EEA1: variants seen among roughly 807,000 people sequenced by gnomAD.
The protein encoded by EEA1 is early endosome antigen 1, 162kD.
EEA1 carries 111 observed loss-of-function variants against 209.2 expected under a neutral mutation model. That is an observed-to-expected ratio of 0.53 (90% CI 0.45 to 0.62). The LOEUF is 0.62. Ranked by LOEUF, EEA1 falls within the 20% of genes least tolerant of loss-of-function variation. The pLI is 0.00. For synonymous variants in EEA1, 536 were observed against 540.6 expected (o/e 0.99, Z 0.12); for missense variants, 1,343 against 1,530.8 (o/e 0.88, Z 2.05).
chr12:92,845,624 C>T (rs1347204850), intron 9 of EEA1, among the ~76,000 whole-genome samples: 1 of 152,152 alleles, frequency 6.6e-6, no homozygotes, highest in East Asian at 1.9e-4. Flanking sequence ...TCCCCGACAA[C>T]TCTAAAACTG....
In EEA1 at chr12:92,912,990, G is replaced by A. The variant is rs139126862; in HGVS notation, c.24+16053C>T. 2.1e-3 allele frequency among the ~76,000 whole-genome samples: 321 copies of A among 152,316 alleles called. 1 individual carries two copies. Among genetic ancestry groups the A allele is most frequent in the African/African-American group, 7.5e-3 (312 of 41,568 alleles). ...CCAAGACTTTGCTGTGGTGCAAAGT[G>A]CCATGATAAATAGCCATGTGCAGCT... On this transcript the variant is annotated intron_variant, in intron 1 of 28. Coordinates refer to ENST00000322349, the MANE Select transcript of EEA1 (RefSeq NM_003566.4).
chr12:92,795,643 T>G (rs1316821632), intron 21 of EEA1, among the ~76,000 whole-genome samples: 2 of 152,214 alleles, frequency 1.3e-5, no homozygotes, highest in African/African-American at 4.8e-5. Context: ...GGAGACAGAA[T>G]GATAGGAATT....
At chr12:92,865,138 A>G (rs1378009311) in intron 2 of EEA1, 151 bp from the exon 3 acceptor site, 1 of 533,798 alleles carries the variant, frequency 1.9e-6, no homozygotes, top group Non-Finnish European at 3.1e-6. Context: ...AAATTCTAGT[A>G]TCATGCAAAG....
rs1009511274 is a variant in EEA1, at chr12:92,857,130, A to G, written c.366+145T>C. 3.1e-5 allele frequency: 17 copies of G among 555,302 alleles called. 1 individual carries two copies. The South Asian group carries it at 3.6e-4, about 12-fold the overall frequency. 34.4% of individuals were successfully genotyped at this position (555,302 alleles called of 1,614,324 possible). The stretch of plus-strand genomic sequence containing the variant: ...CTTCACTCCTCATACATTTGTTTGC[A>G]TTCATCAGAATTCAACACAGAGAAA... On this transcript the variant is annotated intron_variant, in intron 5 of 28. Coordinates refer to ENST00000322349, the MANE Select transcript of EEA1 (RefSeq NM_003566.4).
chr12:92,928,376 T>C (rs910673339), intron 1 of EEA1, among the ~76,000 whole-genome samples: 5 of 152,236 alleles, frequency 3.3e-5, no homozygotes, highest in South Asian at 4.1e-4. Flanking sequence ...GCGGATTTAT[T>C]CTTGGATAGC....
intron 9 of EEA1, among the ~76,000 whole-genome samples, chr12:92,844,150 ATT>A (rs1301833429): frequency 6.6e-6 from 1 of 152,146 alleles, no homozygotes; most frequent in Non-Finnish European, 1.5e-5. Flanking sequence ...ACTTGGGCTT[ATT>A]TTAAAAATCA....
rs1314606065 is a variant in EEA1, at chr12:92,778,184, AAAAAAGG to A, written c.3655-12_3655-6del. ...CTTTTCTTTTATTTCGGAATGCTGA[AAAAAAGG>A]AAAAGTTGGGGGGAAATCTATTACA... is the stretch of plus-strand genomic sequence containing the variant. On this transcript the variant is annotated splice_polypyrimidine_tract_variant and splice_region_variant and intron_variant, in intron 25 of 28. Transcript: ENST00000322349. 1.2e-6 allele frequency: 2 copies of A among 1,604,150 alleles called. No individual in the cohort carries two copies. The highest frequency in any genetic ancestry group is 3.4e-5 in the Admixed American group (2 of 59,006).
rs79285032 is a variant in EEA1, at chr12:92,896,775, A to G, written c.25-5054T>C. Among the ~76,000 whole-genome samples the G allele has an allele frequency of 9.8e-4, 149 of 151,472 alleles. No homozygotes were observed. The East Asian group carries it at 0.027, about 28-fold the overall frequency. On this transcript the variant is annotated intron_variant, in intron 1 of 28. Coordinates refer to ENST00000322349, the MANE Select transcript of EEA1 (RefSeq NM_003566.4). ...AAGATCGCACCACTGAAAGAAAAGA[A>G]AAAAAGAAAAAAAAAGAAATTGACA...
rs1873842653 is a variant in EEA1, at chr12:92,780,160, A to G, written c.3468+120T>C. 5.6e-6 allele frequency: 6 copies of G among 1,062,150 alleles called. No homozygotes were observed. The East Asian group carries it at 1.8e-4, about 32-fold the overall frequency. 65.8% of individuals were successfully genotyped at this position (1,062,150 alleles called of 1,614,324 possible). On this transcript the variant is annotated intron_variant, in intron 24 of 28. Transcript: ENST00000322349. ...GGCAAGAGTATTTGTCAGAAACAAC[A>G]GAACAATTTGCCTAGCACATAGCAA...
intron 2 of EEA1, among the ~76,000 whole-genome samples, chr12:92,887,206 C>T (rs1403264529): frequency 1.3e-5 from 2 of 149,882 alleles, no homozygotes; most frequent in African/African-American, 5.0e-5. Flanking sequence ...ATAAAACAGG[C>T]CAGGCACAGT....
intron 10 of EEA1, among the ~76,000 whole-genome samples, chr12:92,839,067 T>C (rs999161143): frequency 1.3e-5 from 2 of 152,210 alleles, no homozygotes; most frequent in African/African-American, 2.4e-5. Flanking sequence ...GCTTAGAATT[T>C]TGGAAAACAT....
intron 2 of EEA1, among the ~76,000 whole-genome samples, chr12:92,877,402 A>G (rs1878957887): frequency 6.6e-6 from 1 of 152,186 alleles, no homozygotes; most frequent in Non-Finnish European, 1.5e-5. Context: ...GACAGTTACA[A>G]TAATATGTGA....
At chr12:92,878,996 T>G (rs894974731) in intron 2 of EEA1, among the ~76,000 whole-genome samples, 22 of 152,070 alleles carry the variant, frequency 1.4e-4, no homozygotes, top group African/African-American at 4.8e-4. Context: ...TAGCAAACAT[T>G]CAAGGTATAC....
At chr12:92,847,358 T>C (rs2136705749) in intron 9 of EEA1, among the ~76,000 whole-genome samples, 1 of 152,328 alleles carries the variant, frequency 6.6e-6, no homozygotes, top group East Asian at 1.9e-4. Context: ...ATAAAAATTG[T>C]TGTATTAAGT....
intron 27 of EEA1, 85 bp from the exon 28 acceptor site, chr12:92,777,027 TATAA>T: frequency 7.0e-7 from 1 of 1,436,070 alleles, no homozygotes; most frequent in South Asian, 1.2e-5. Flanking sequence ...GCCAGAGTTC[TATAA>T]AATTTTGACT....
chr12:92,774,445 A>G lies in EEA1; in HGVS notation c.*1566T>C, dbSNP rs1026544773. On this transcript the variant is annotated 3_prime_UTR_variant, in exon 29 of 29. Transcript: ENST00000322349. ...TGAAAGCAAATGTATATTAAGAACT[A>G]TTATAAATGAAATATTAACTACTGT... The G allele has an allele frequency of 6.6e-6, 1 of 151,630 alleles. No individual in the cohort carries two copies. Among genetic ancestry groups the G allele is most frequent in the African/African-American group, 2.4e-5 (1 of 41,400 alleles). 9.4% of individuals were successfully genotyped at this position (151,630 alleles called of 1,614,324 possible).
intron 12 of EEA1, among the ~76,000 whole-genome samples, chr12:92,827,671 G>T (rs959959556): frequency 1.3e-5 from 2 of 152,140 alleles, no homozygotes; most frequent in East Asian, 1.9e-4. Context: ...TTCACCCCCA[G>T]AATTTTTCCT....
Position 92,771,462 on chromosome 12 carries a change from A to G in EEA1, c.*4549T>C, listed in dbSNP as rs931360004. On this transcript the variant is annotated 3_prime_UTR_variant, in exon 29 of 29. Coordinates refer to ENST00000322349, the MANE Select transcript of EEA1 (RefSeq NM_003566.4). ...GAATGGAGACTAATAACCTCTTTATAATAATGTCAGAAATTTAATAGAAGA... is the reference window on the plus strand; with the variant it reads ...GAATGGAGACTAATAACCTCTTTATGATAATGTCAGAAATTTAATAGAAGA... 6.6e-5 allele frequency: 10 copies of G among 152,064 alleles called. No individual in the cohort carries two copies. The highest frequency in any genetic ancestry group is 2.4e-4 in the African/African-American group (10 of 41,446). The allele number at this position is 152,064 out of a possible 1,614,324, so 9.4% of individuals were successfully genotyped here.
chr12:92,854,032 T>G, intron 5 of EEA1, 78 bp from the exon 6 acceptor site: 3 of 1,147,344 alleles, frequency 2.6e-6, no homozygotes, highest in Non-Finnish European at 3.6e-6. Context: ...TGTTAAAAAA[T>G]CTCTGAAAGT....
Sources: allele counts gnomAD v4.1 joint callset (sites outside exome capture counted in the v4.1 genomes callset), GRCh38; gene constraint gnomAD v4.1.1; transcripts MANE v1.5; gene names NCBI Gene and HGNC (gene_info 2026-07-23, HGNC 2026-07-21).